The following IMMP2L variants were observed in gnomAD, a reference collection of about 807,000 sequenced individuals.
IMMP2L encodes the protein mitochondrial inner membrane protease subunit 2.
IMMP2L carries 18 observed loss-of-function variants against 19.3 expected under a neutral mutation model. That is an observed-to-expected ratio of 0.93 (90% confidence interval 0.64 to 1.38). The LOEUF is 1.38. IMMP2L is among the 40% of genes most tolerant of loss of function. The probability of loss-of-function intolerance (pLI) is 0.00; values close to 1 mark genes in which losing one functional copy is unlikely to be tolerated. For synonymous variants in IMMP2L, 76 were observed against 73.0 expected (o/e 1.04, Z -0.21); for missense variants, 233 against 218.2 (o/e 1.07, Z -0.43).
chr7:111,484,122 C>A (rs1350979628), intron 3 of IMMP2L, among the ~76,000 whole-genome samples: 1 of 152,172 alleles, frequency 6.6e-6, no homozygotes, highest in Admixed American at 6.5e-5. Context: ...AGCCTCAACC[C>A]TTCCTTATAC....
At chr7:110,802,813 G>A (rs1461380209) in intron 5 of IMMP2L, among the ~76,000 whole-genome samples, 3 of 152,004 alleles carry the variant, frequency 2.0e-5, no homozygotes, top group Non-Finnish European at 4.4e-5. Context: ...AGATACATAC[G>A]GAAGGCTGGT....
chr7:111,452,284 T>G (rs1409463405), intron 3 of IMMP2L, among the ~76,000 whole-genome samples: 4 of 152,168 alleles, frequency 2.6e-5, no homozygotes, highest in Admixed American at 2.6e-4. Flanking sequence ...CTAACTATTA[T>G]TTTAACAAGC....
At chr7:110,857,830 A>G (rs538844057) in intron 5 of IMMP2L, among the ~76,000 whole-genome samples, 1 of 152,182 alleles carries the variant, frequency 6.6e-6, no homozygotes, top group African/African-American at 2.4e-5. Flanking sequence ...TTATTTTGAT[A>G]ACTATCAGAA....
At chr7:111,423,012 G>A (rs1006225185) in intron 3 of IMMP2L, among the ~76,000 whole-genome samples, 4 of 151,836 alleles carry the variant, frequency 2.6e-5, no homozygotes, top group Admixed American at 6.6e-5. Context: ...TTAAGTGATG[G>A]ATTACGTTTA....
intron 5 of IMMP2L, among the ~76,000 whole-genome samples, chr7:110,817,742 A>G (rs1562996199): frequency 6.6e-6 from 1 of 152,132 alleles, no homozygotes; most frequent in Non-Finnish European, 1.5e-5. Flanking sequence ...CCAAAACAGC[A>G]TGGTACTGGT....
intron 3 of IMMP2L, among the ~76,000 whole-genome samples, chr7:111,045,860 TAA>T (rs1792342110): frequency 6.6e-6 from 1 of 152,184 alleles, no homozygotes; most frequent in Non-Finnish European, 1.5e-5. Flanking sequence ...GATAAACCAT[TAA>T]GTTTGTGTTA....
chr7:110,944,450 AGTGTGTGTGTGTGCGCGCGCAC>A (rs1009275035), intron 4 of IMMP2L, among the ~76,000 whole-genome samples: 2 of 147,444 alleles, frequency 1.4e-5, no homozygotes, highest in Non-Finnish European at 1.5e-5. Flanking sequence ...AAGCACATAG[AGTGTGTGTGTGTGCGCGCGCAC>A]GTGTGTGTGT....
intron 2 of IMMP2L, among the ~76,000 whole-genome samples, chr7:111,520,919 T>C (rs1477145222): frequency 1.3e-5 from 2 of 152,138 alleles, no homozygotes; most frequent in East Asian, 1.9e-4. Flanking sequence ...TGAAATCATA[T>C]ACCTATATAA....
intron 5 of IMMP2L, among the ~76,000 whole-genome samples, chr7:110,866,254 C>T (rs1030164837): frequency 7.9e-5 from 12 of 151,830 alleles, no homozygotes; most frequent in African/African-American, 2.4e-4. Context: ...AATTTCAGCA[C>T]GAAGCCTCGG....
chr7:110,778,775 AT>A (rs199865499), intron 5 of IMMP2L, among the ~76,000 whole-genome samples: 3 of 151,168 alleles, frequency 2.0e-5, no homozygotes, highest in Non-Finnish European at 3.0e-5. Flanking sequence ...AACAGCATCT[AT>A]TTTTTTTTCC....
chr7:110,754,060 G>A (rs1375616341), intron 5 of IMMP2L, among the ~76,000 whole-genome samples: 2 of 151,806 alleles, frequency 1.3e-5, no homozygotes, highest in African/African-American at 2.4e-5. Flanking sequence ...GAAATTCTTC[G>A]ATTATCATTT....
At chr7:110,712,883 A>G (rs1191635039) in intron 5 of IMMP2L, among the ~76,000 whole-genome samples, 1 of 136,774 alleles carries the variant, frequency 7.3e-6, no homozygotes, top group Non-Finnish European at 1.6e-5. Flanking sequence ...CACAGTGCGC[A>G]CACACACTGG....
intron 4 of IMMP2L, among the ~76,000 whole-genome samples, chr7:110,904,811 C>G (rs1459962245): frequency 2.0e-5 from 3 of 152,128 alleles, no homozygotes; most frequent in Admixed American, 2.0e-4. Context: ...GAAGGTGAGT[C>G]CAAGAGAGGC....
chr7:110,939,483 G>A (rs191468189), intron 4 of IMMP2L, among the ~76,000 whole-genome samples: 11 of 151,372 alleles, frequency 7.3e-5, no homozygotes, highest in African/African-American at 1.5e-4. Flanking sequence ...GCTGTGGCAC[G>A]AAGTCTGTTC....
At chr7:111,214,367 G>T (rs1811682358) in intron 3 of IMMP2L, among the ~76,000 whole-genome samples, 1 of 126,654 alleles carries the variant, frequency 7.9e-6, no homozygotes, top group Non-Finnish European at 1.6e-5. Flanking sequence ...TTGAGACAGG[G>T]TCTCTCACTC....
chr7:111,551,845 T>C (rs761754726), intron 1 of IMMP2L, among the ~76,000 whole-genome samples: 2 of 152,074 alleles, frequency 1.3e-5, no homozygotes, highest in African/African-American at 2.4e-5. Flanking sequence ...AGACACTGAA[T>C]AGGAGGAAAT....
chr7:111,242,066 T>C (rs907783843), intron 3 of IMMP2L, among the ~76,000 whole-genome samples: 7 of 152,136 alleles, frequency 4.6e-5, no homozygotes, highest in Non-Finnish European at 8.8e-5. Flanking sequence ...GAGTTTTGCA[T>C]CATAGAAGTG....
chr7:111,139,638 C>T (rs1230167630), intron 3 of IMMP2L, among the ~76,000 whole-genome samples: 1 of 152,060 alleles, frequency 6.6e-6, no homozygotes, highest in Non-Finnish European at 1.5e-5. Context: ...TCATCTCTCC[C>T]ATCTAGAAAG....
chr7:110,691,990 A>G (rs1287834339), intron 5 of IMMP2L, among the ~76,000 whole-genome samples: 3 of 152,160 alleles, frequency 2.0e-5, no homozygotes. Flanking sequence ...CATTATATCA[A>G]AAAGACATCT....
Sources: gnomAD v4.1 joint callset for allele counts (sites outside exome capture counted in the v4.1 genomes callset) on GRCh38, gnomAD v4.1.1 for gene constraint, MANE v1.5 for transcripts, NCBI Gene and HGNC (gene_info 2026-07-23, HGNC 2026-07-21) for gene names.